The following DNAH3 variants were observed in gnomAD, a reference collection of about 807,000 sequenced individuals.
The protein encoded by DNAH3 is dynein axonemal heavy chain 3.
In DNAH3, 332 loss-of-function variants were observed where a neutral mutation model predicts 432.5. That is an observed-to-expected ratio of 0.77 (90% CI 0.70 to 0.84). The LOEUF (loss-of-function observed/expected upper bound fraction) is 0.84. Among genes scored for constraint, DNAH3 ranks in the 40% least tolerant of loss-of-function variants. The pLI, the probability that DNAH3 is intolerant of heterozygous loss-of-function variation, is 0.00. For missense variants in DNAH3, 4,861 were observed against 5,114.0 expected (o/e 0.95, Z 1.51); for synonymous variants, 1,956 against 1,900.2 (o/e 1.03, Z -0.76).
intron 18 of DNAH3, among the ~76,000 whole-genome samples, chr16:21,095,771 ACT>A: frequency 6.6e-6 from 1 of 152,134 alleles, no homozygotes; most frequent in Non-Finnish European, 1.5e-5. Context: ...ATTTATAAAT[ACT>A]GTTTTTTTTG....
intron 24 of DNAH3, among the ~76,000 whole-genome samples, chr16:21,064,863 GTGTGT>G (rs774406384): frequency 0.19 from 12,311 of 66,488 alleles, 692 homozygotes; most frequent in East Asian, 0.44. Context: ...TGAGGTAGGT[GTGTGT>G]GTGTGTGTGT....
chr16:20,982,870 C>T (rs1422901510), exon 49 of DNAH3: 6 of 1,614,040 alleles, frequency 3.7e-6, no homozygotes, highest in African/African-American at 1.3e-5. Context: ...TGAAGGCATC[C>T]CCTATTGGAC....
intron 3 of DNAH3, 70 bp from the exon 5 acceptor site, chr16:21,141,442 A>G: frequency 8.5e-7 from 1 of 1,178,398 alleles, no homozygotes; most frequent in Non-Finnish European, 1.2e-6. Flanking sequence ...CCACAGGGGC[A>G]TGACTCTCGG....
At chr16:21,005,373 T>C (rs2087245201) in intron 41 of DNAH3, among the ~76,000 whole-genome samples, 1 of 145,172 alleles carries the variant, frequency 6.9e-6, no homozygotes, top group African/African-American at 2.5e-5. Flanking sequence ...TCTTTCTCTC[T>C]TTTTCTCTTT....
intron 41 of DNAH3, chr16:21,019,150 A>ATTTTTTTTTTTTTTT (rs780974726): frequency 2.4e-5 from 2 of 84,008 alleles, no homozygotes; most frequent in Non-Finnish European, 4.5e-5. Flanking sequence ...GGCCAACTCT[A>ATTTTTTTTTTTTTTT]TTTTTTTTTT....
chr16:20,963,759 G>A (rs1437880522), exon 53 of DNAH3: 2 of 1,614,044 alleles, frequency 1.2e-6, no homozygotes, highest in East Asian at 2.2e-5. Context: ...TGGTCAGGAG[G>A]AGAGAGAAGA....
At chr16:21,139,832 T>C (rs2092696105) in intron 5 of DNAH3, among the ~76,000 whole-genome samples, 1 of 135,340 alleles carries the variant, frequency 7.4e-6, no homozygotes, top group Admixed American at 8.4e-5. Flanking sequence ...CATGCCGAAG[T>C]GCAGTGGCTC....
chr16:21,019,362 G>A, intron 41 of DNAH3: 2 of 458,196 alleles, frequency 4.4e-6, no homozygotes, highest in Non-Finnish European at 7.9e-6. Context: ...GTTTCACCAT[G>A]TTGGCCAGGC....
chr16:21,054,544 G>A lies in DNAH3; in HGVS notation c.3925-10C>T. On this transcript the variant is annotated splice_polypyrimidine_tract_variant and intron_variant, in intron 27 of 61. Coordinates refer to ENST00000261383, the Ensembl canonical transcript of DNAH3. ...TCTTTTTCAGAAAATCCTGGAAGGGGCAGAGGAGGGGACAACTGGTTACAT... is the reference window on the plus strand; with the variant it reads ...TCTTTTTCAGAAAATCCTGGAAGGGACAGAGGAGGGGACAACTGGTTACAT... 1 of 1,600,166 alleles carries A rather than the reference G, an allele frequency of 6.2e-7. No individual in the cohort carries two copies. The highest frequency in any genetic ancestry group is 8.6e-7 in the Non-Finnish European group (1 of 1,167,684).
chr16:21,023,786 G>GGGGTGTGTGT (rs1555530933), intron 39 of DNAH3, among the ~76,000 whole-genome samples: 4 of 146,384 alleles, frequency 2.7e-5, no homozygotes, highest in Non-Finnish European at 6.0e-5. Flanking sequence ...CAGCTTTTGG[G>GGGGTGTGTGT]GTGTGTGTGT....
intron 27 of DNAH3, among the ~76,000 whole-genome samples, chr16:21,057,313 T>C (rs1332314714): frequency 6.6e-6 from 1 of 152,228 alleles, no homozygotes; most frequent in Non-Finnish European, 1.5e-5. Flanking sequence ...TCATCTACTC[T>C]GTGCTGGGCA....
chr16:21,049,317 T>C (rs897304435), intron 31 of DNAH3, among the ~76,000 whole-genome samples: 5 of 152,196 alleles, frequency 3.3e-5, no homozygotes, highest in African/African-American at 2.4e-5. Flanking sequence ...GAATCTCTGA[T>C]GTATAGTAGC....
intron 41 of DNAH3, among the ~76,000 whole-genome samples, chr16:21,007,988 G>A (rs758130895): frequency 2.6e-4 from 40 of 152,280 alleles, no homozygotes; most frequent in Non-Finnish European, 5.1e-4. Context: ...TGGCACCATT[G>A]TCAAAAATCA....
At chr16:20,991,008 G>A (rs1487508216) in intron 44 of DNAH3, among the ~76,000 whole-genome samples, 1 of 151,952 alleles carries the variant, frequency 6.6e-6, no homozygotes, top group Non-Finnish European at 1.5e-5. Context: ...GCGACAGAGC[G>A]AGACTCTGTC....
chr16:20,971,671 G>A (rs1259186195), intron 51 of DNAH3, among the ~76,000 whole-genome samples: 2 of 152,090 alleles, frequency 1.3e-5, no homozygotes, highest in African/African-American at 4.8e-5. Context: ...CTGGGTCACC[G>A]CCTTACAAAC....
chr16:21,137,120 C>A (rs751771847), intron 5 of DNAH3, among the ~76,000 whole-genome samples: 3 of 151,876 alleles, frequency 2.0e-5, no homozygotes, highest in Non-Finnish European at 2.9e-5. Flanking sequence ...GGTGACCAAT[C>A]GAGACTCTGT....
chr16:21,028,653 C>CA (rs57414215), intron 37 of DNAH3, among the ~76,000 whole-genome samples: 47,345 of 127,450 alleles, frequency 0.37, 7,886 homozygotes, highest in South Asian at 0.48. Context: ...GACTTTGTCT[C>CA]AAAAAAAAAA....
intron 14 of DNAH3, among the ~76,000 whole-genome samples, chr16:21,111,404 A>G (rs1292806472): frequency 6.6e-6 from 1 of 152,196 alleles, no homozygotes; most frequent in Non-Finnish European, 1.5e-5. Context: ...CAAACTGCTA[A>G]CAAATGCCCT....
chr16:21,078,422 G>A (rs1038539731), intron 20 of DNAH3, among the ~76,000 whole-genome samples: 13 of 152,186 alleles, frequency 8.5e-5, no homozygotes, highest in African/African-American at 2.9e-4. Flanking sequence ...AACAAGGACT[G>A]ATCAGGACCT....
Sources: gnomAD v4.1 joint callset for allele counts (sites outside exome capture counted in the v4.1 genomes callset) on GRCh38, gnomAD v4.1.1 for gene constraint, MANE v1.5 for transcripts, NCBI Gene and HGNC (gene_info 2026-07-23, HGNC 2026-07-21) for gene names.